ROBO2: variants seen among roughly 807,000 people sequenced by gnomAD.
ROBO2 encodes the protein roundabout guidance receptor 2, also known as roundabout homolog 2.
Under a neutral mutation model 160.8 loss-of-function variants are expected in ROBO2, and 53 were observed. The observed-to-expected ratio is 0.33, with a 90% CI of 0.26 to 0.41. ROBO2 has a LOEUF of 0.41. Among genes scored for constraint, ROBO2 ranks in the 10% least tolerant of loss-of-function variants. The pLI, the probability that ROBO2 is intolerant of heterozygous loss-of-function variation, is 1.00. For synonymous variants in ROBO2, 664 were observed against 611.7 expected, an observed-to-expected ratio of 1.09 and a Z score of -1.26; for missense variants, 1,577 against 1,722.4, an observed-to-expected ratio of 0.92 and a Z score of 1.49.
At chr3:76,784,606 A>C (rs1486325485) in intron 2 of ROBO2, among the ~76,000 whole-genome samples, 2 of 151,178 alleles carry the variant, frequency 1.3e-5, no homozygotes, top group Admixed American at 6.6e-5. Context: ...GGAGATGCAT[A>C]AGATGCCAGC....
intron 2 of ROBO2, among the ~76,000 whole-genome samples, chr3:77,222,103 G>A (rs1223957250): frequency 6.6e-6 from 1 of 151,808 alleles, no homozygotes. Context: ...CACCCACCTC[G>A]GCCTCCCAAA....
chr3:76,077,518 G>A (rs979104379), intron 2 of ROBO2, among the ~76,000 whole-genome samples: 3 of 152,160 alleles, frequency 2.0e-5, no homozygotes, highest in Admixed American at 6.5e-5. Flanking sequence ...AACCAAGATC[G>A]TGCCACTGCA....
chr3:76,626,817 C>T (rs567075695), intron 2 of ROBO2, among the ~76,000 whole-genome samples: 20 of 152,136 alleles, frequency 1.3e-4, no homozygotes, highest in Non-Finnish European at 2.4e-4. Context: ...CTCAGCCTCC[C>T]GAGTAGCTGG....
At chr3:77,418,686 AC>A in intron 2 of ROBO2, among the ~76,000 whole-genome samples, 2 of 152,224 alleles carry the variant, frequency 1.3e-5, no homozygotes, top group Admixed American at 1.3e-4. Context: ...TAAAGGCCTA[AC>A]CTGCCTTTTC....
chr3:77,003,060 GTT>G (rs922879799), intron 2 of ROBO2, among the ~76,000 whole-genome samples: 10 of 152,038 alleles, frequency 6.6e-5, no homozygotes, highest in African/African-American at 2.2e-4. Flanking sequence ...TTATTCTCTA[GTT>G]TTTATCTCTA....
At chr3:76,464,064 G>A (rs2078238137) in intron 2 of ROBO2, among the ~76,000 whole-genome samples, 1 of 152,044 alleles carries the variant, frequency 6.6e-6, no homozygotes, top group Non-Finnish European at 1.5e-5. Context: ...AGTGGGAAGG[G>A]GCCTTGTTCT....
chr3:76,522,746 A>G (rs1046608512), intron 2 of ROBO2, among the ~76,000 whole-genome samples: 8 of 152,148 alleles, frequency 5.3e-5, no homozygotes, highest in Admixed American at 3.3e-4. Context: ...TAGCATAAGT[A>G]AAACTAGTGA....
intron 2 of ROBO2, among the ~76,000 whole-genome samples, chr3:76,253,121 T>C (rs1228686063): frequency 6.6e-6 from 1 of 152,058 alleles, no homozygotes; most frequent in Non-Finnish European, 1.5e-5. Context: ...TCTTACCAAG[T>C]TGACACATAA....
At chr3:76,545,228 A>T (rs910225377) in intron 2 of ROBO2, among the ~76,000 whole-genome samples, 1 of 151,986 alleles carries the variant, frequency 6.6e-6, no homozygotes, top group Non-Finnish European at 1.5e-5. Context: ...ATACGTGTAC[A>T]GTTTACATTC....
intron 2 of ROBO2, among the ~76,000 whole-genome samples, chr3:77,205,778 A>G (rs2083375956): frequency 6.6e-6 from 1 of 152,286 alleles, no homozygotes; most frequent in Admixed American, 6.5e-5. Flanking sequence ...AAAGATAAGG[A>G]ACTCACTTTG....
intron 2 of ROBO2, among the ~76,000 whole-genome samples, chr3:76,057,780 G>T (rs749581694): frequency 4.7e-5 from 7 of 150,528 alleles, no homozygotes; most frequent in South Asian, 2.1e-4. Flanking sequence ...AATTCAATTG[G>T]TTTTTTTTTG....
intron 2 of ROBO2, among the ~76,000 whole-genome samples, chr3:76,909,927 T>C (rs1432286968): frequency 6.6e-6 from 1 of 152,116 alleles, no homozygotes; most frequent in Admixed American, 6.5e-5. Flanking sequence ...AAAATAAGGG[T>C]TCCAGATTTC....
chr3:76,925,867 G>T (rs947098473), intron 2 of ROBO2, among the ~76,000 whole-genome samples: 5 of 152,086 alleles, frequency 3.3e-5, no homozygotes, highest in African/African-American at 1.2e-4. Context: ...ACACTCCTAT[G>T]GATAAAGCCA....
At chr3:77,352,821 GTTAC>G (rs1350345159) in intron 2 of ROBO2, among the ~76,000 whole-genome samples, 1 of 152,166 alleles carries the variant, frequency 6.6e-6, no homozygotes. Context: ...GATGTGGGAA[GTTAC>G]TTCTCTCTGT....
intron 2 of ROBO2, among the ~76,000 whole-genome samples, chr3:76,074,560 A>G (rs1201566480): frequency 6.6e-6 from 1 of 152,184 alleles, no homozygotes. Flanking sequence ...TTCTTTCTTA[A>G]TATCTCATCA....
In ROBO2 at chr3:77,614,067, CTTG is replaced by C. The variant is rs966972290; in HGVS notation, c.3294-3441_3294-3439del. 3.3e-5 allele frequency among the ~76,000 whole-genome samples: 5 copies of C among 152,238 alleles called. No individual in the cohort carries two copies. The East Asian group carries it at 9.6e-4, about 29-fold the overall frequency. On this transcript the variant is annotated intron_variant, in intron 21 of 25. Transcript: ENST00000461745. The stretch of plus-strand genomic sequence containing the variant: ...AATTAATTTATTTGAGCAGGAGATT[CTTG>C]TTGTAAAAACTGTCTGAAAAGGTAG...
At position 76,218,016 on chromosome 3, in the gene ROBO2, A is replaced by C. The variant is rs563348653; in HGVS notation, c.109+280414A>C. Among the ~76,000 whole-genome samples the C allele has an allele frequency of 5.9e-5, 9 of 152,308 alleles. No homozygotes were observed. The South Asian group carries it at 1.9e-3, about 32-fold the overall frequency. On this transcript the variant is annotated intron_variant, in intron 2 of 26. Transcript: ENST00000487694. Reference sequence around the variant, plus strand: ...TGCAAGGCTGGTTCAACATACGCAAATCAATAAATGTAATCCAGCATATAA... The same window carrying C: ...TGCAAGGCTGGTTCAACATACGCAACTCAATAAATGTAATCCAGCATATAA...
intron 1 of ROBO2, among the ~76,000 whole-genome samples, chr3:77,077,875 C>T (rs1250474637): frequency 6.6e-6 from 1 of 152,180 alleles, no homozygotes; most frequent in African/African-American, 2.4e-5. Flanking sequence ...TCTCTGCTTT[C>T]TCCTTGAGGC....
intron 2 of ROBO2, among the ~76,000 whole-genome samples, chr3:76,216,051 A>G (rs989810298): frequency 6.6e-6 from 1 of 152,200 alleles, no homozygotes; most frequent in African/African-American, 2.4e-5. Flanking sequence ...TTTCATATCC[A>G]GCCAAACTAA....
Sources: allele counts gnomAD v4.1 joint callset (sites outside exome capture counted in the v4.1 genomes callset), GRCh38; gene constraint gnomAD v4.1.1; transcripts MANE v1.5; gene names NCBI Gene and HGNC (gene_info 2026-07-23, HGNC 2026-07-21).